VPS13B: variants seen among roughly 807,000 people sequenced by gnomAD.
VPS13B encodes intermembrane lipid transfer protein VPS13B.
VPS13B carries 285 observed loss-of-function variants against 426.4 expected under a neutral mutation model. That is an observed-to-expected ratio of 0.67 (90% CI 0.61 to 0.74). The LOEUF is 0.74. Ranked by LOEUF, VPS13B falls within the 30% of genes least tolerant of loss-of-function variation. The pLI is 0.00. For missense variants in VPS13B, 4,537 were observed against 4,782.6 expected, an observed-to-expected ratio of 0.95 and a Z score of 1.51; for synonymous variants, 1,676 against 1,676.4, an observed-to-expected ratio of 1.00 and a Z score of 0.01.
rs112226706 is a variant in VPS13B at position 99,192,489 on chromosome 8, A to G, written c.2334-387A>G. Among the ~76,000 whole-genome samples the G allele has an allele frequency of 9.9e-3, 1,509 of 152,328 alleles. 28 individuals are homozygous for G. The highest frequency in any genetic ancestry group is 0.034 in the African/African-American group (1,426 of 41,570). On this transcript the variant is annotated intron_variant, in intron 16 of 61. Transcript: ENST00000357162. ...ATAGTACCTCCCTCATAGAGTTATT[A>G]TGGAAGGATTCAACGTGTTAACAGA...
chr8:99,046,666 G>T (rs940092025), intron 3 of VPS13B, among the ~76,000 whole-genome samples: 2 of 152,028 alleles, frequency 1.3e-5, no homozygotes, highest in Non-Finnish European at 2.9e-5. Context: ...TTAGTATTAC[G>T]TTGGCTGTGG....
In VPS13B at chr8:99,049,289, GAT is replaced by G. The variant is rs535801805; in HGVS notation, c.291+10726_291+10727del. 1.4e-4 allele frequency among the ~76,000 whole-genome samples: 21 copies of G among 150,972 alleles called. No homozygotes were observed. In the East Asian group the frequency reaches 4.1e-3, roughly 29 times the overall value. On this transcript the variant is annotated intron_variant, in intron 3 of 61. Transcript: ENST00000357162. ...TTATGCTTTAAAGAGGCTCTGTTTT[GAT>G]ATGTTTCCAGGATTTGTTTCAAGAG...
At chr8:99,059,200 G>C (rs1445224948) in intron 3 of VPS13B, among the ~76,000 whole-genome samples, 1 of 152,178 alleles carries the variant, frequency 6.6e-6, no homozygotes, top group Non-Finnish European at 1.5e-5. Context: ...GCAGTGGCTT[G>C]ATCTTGGCTC....
intron 17 of VPS13B, among the ~76,000 whole-genome samples, chr8:99,223,613 T>C (rs1054365285): frequency 6.6e-6 from 1 of 152,176 alleles, no homozygotes; most frequent in South Asian, 2.1e-4. Context: ...TAACTGCTGC[T>C]TCTTCAATAA....
chr8:99,504,878 T>C (rs969515025), intron 27 of VPS13B, among the ~76,000 whole-genome samples: 1 of 152,302 alleles, frequency 6.6e-6, no homozygotes, highest in African/African-American at 2.4e-5. Context: ...GGCATCTTCT[T>C]CCAAGAGAAG....
At chr8:99,755,386 T>C (rs1042683338) in intron 39 of VPS13B, among the ~76,000 whole-genome samples, 1 of 152,196 alleles carries the variant, frequency 6.6e-6, no homozygotes, top group Non-Finnish European at 1.5e-5. Flanking sequence ...AATTGGAGAC[T>C]TCAGTGGCCA....
At chr8:99,284,093 G>C (rs1479259276) in intron 19 of VPS13B, among the ~76,000 whole-genome samples, 1 of 152,018 alleles carries the variant, frequency 6.6e-6, no homozygotes, top group African/African-American at 2.4e-5. Flanking sequence ...TCAAGTACTA[G>C]AAATGTCAAG....
chr8:99,739,795 G>A (rs1285061375), intron 39 of VPS13B, among the ~76,000 whole-genome samples: 1 of 152,112 alleles, frequency 6.6e-6, no homozygotes, highest in Non-Finnish European at 1.5e-5. Context: ...CAAACAGAAA[G>A]GACATCCACA....
intron 19 of VPS13B, 40 bp from the exon 20 acceptor site, chr8:99,384,168 A>G (rs771250365): frequency 6.6e-7 from 1 of 1,512,338 alleles, no homozygotes; most frequent in Non-Finnish European, 9.2e-7. Flanking sequence ...ATTGTTTTTT[A>G]TGAGGACTTA....
chr8:99,481,710 G>T lies in VPS13B; in HGVS notation c.3778G>T (p.Val1260Phe). 4 of 1,614,026 alleles carry T rather than the reference G, an allele frequency of 2.5e-6. No individual in the cohort carries two copies. Among genetic ancestry groups the T allele is most frequent in the Non-Finnish European group, 3.4e-6 (4 of 1,179,916 alleles). Reference sequence around the variant, plus strand: ...CTCTCCAGAGACCATGGCAGGGCCTGTTCCTACTTCTCCAGTTAGAAGCAG... The same window carrying T: ...CTCTCCAGAGACCATGGCAGGGCCTTTTCCTACTTCTCCAGTTAGAAGCAG... Reference protein sequence around the residue: ...PTSPETMAGPVPTSPVRSSIG... With the variant: ...PTSPETMAGPFPTSPVRSSIG... Residue 1260 changes from valine (V) to phenylalanine (F), a missense_variant, in exon 25 of 62, where the codon GTT (valine) becomes TTT (phenylalanine). Val to Phe is a conservative substitution (Grantham distance 50). Transcript: ENST00000357162.
chr8:99,181,615 TAAC>T (rs1812950976), intron 16 of VPS13B, among the ~76,000 whole-genome samples: 2 of 152,216 alleles, frequency 1.3e-5, no homozygotes, highest in Non-Finnish European at 2.9e-5. Flanking sequence ...GCCTGACACA[TAAC>T]AAGTTCTTTA....
At chr8:99,856,849 TA>T (rs1297188836) in intron 56 of VPS13B, among the ~76,000 whole-genome samples, 1 of 151,578 alleles carries the variant, frequency 6.6e-6, no homozygotes. Flanking sequence ...TCCAAAAACA[TA>T]AAAAATATTT....
rs374061062 is a variant in VPS13B at position 99,854,293 on chromosome 8, G to A, written c.10867+37G>A. The A allele has an allele frequency of 2.9e-4, 472 of 1,601,204 alleles. 3 individuals are homozygous for A. The highest frequency in any genetic ancestry group is 5.4e-5 in the Non-Finnish European group (63 of 1,174,694). ...AGCTGAGGGTCTGTGATGAGCTAGA[G>A]CCCGGGTAGAAATGACACGCTTGGG... On this transcript the variant is annotated intron_variant, in intron 56 of 61. Transcript: ENST00000357162.
At chr8:99,703,289 TA>T (rs1832359750) in intron 36 of VPS13B, among the ~76,000 whole-genome samples, 1 of 152,168 alleles carries the variant, frequency 6.6e-6, no homozygotes, top group African/African-American at 2.4e-5. Flanking sequence ...TCTTTAACCC[TA>T]AACTATGGGA....
At chr8:99,062,826 T>A (rs1245246038) in intron 3 of VPS13B, among the ~76,000 whole-genome samples, 8 of 152,294 alleles carry the variant, frequency 5.3e-5, no homozygotes, top group African/African-American at 1.9e-4. Flanking sequence ...CTTATAATAG[T>A]TTAAGGTATT....
intron 17 of VPS13B, among the ~76,000 whole-genome samples, chr8:99,218,413 C>T (rs1363132114): frequency 1.3e-5 from 2 of 152,086 alleles, no homozygotes; most frequent in Non-Finnish European, 2.9e-5. Context: ...ATGACAGATG[C>T]ATTTGTTGAC....
At chr8:99,768,557 G>A (rs1016913073) in intron 40 of VPS13B, among the ~76,000 whole-genome samples, 15 of 152,074 alleles carry the variant, frequency 9.9e-5, no homozygotes, top group African/African-American at 3.6e-4. Context: ...GATAACTTCT[G>A]TTAACATTTT....
At chr8:99,849,342 G>A (rs909362420) in intron 55 of VPS13B, among the ~76,000 whole-genome samples, 15 of 152,178 alleles carry the variant, frequency 9.9e-5, no homozygotes, top group African/African-American at 3.6e-4. Flanking sequence ...TAGACAAAGA[G>A]TTAATATCCT....
intron 35 of VPS13B, among the ~76,000 whole-genome samples, chr8:99,675,795 A>G (rs1010720166): frequency 6.6e-6 from 1 of 151,636 alleles, no homozygotes; most frequent in African/African-American, 2.4e-5. Flanking sequence ...GGGTTTTTCA[A>G]ATTATTCTTT....
Sources: gnomAD v4.1 joint callset for allele counts (sites outside exome capture counted in the v4.1 genomes callset) on GRCh38, gnomAD v4.1.1 for gene constraint, MANE v1.5 for transcripts, NCBI Gene and HGNC (gene_info 2026-07-23, HGNC 2026-07-21) for gene names.